Variants in LRRC4C observed in about 807,000 individuals in gnomAD.
LRRC4C encodes leucine-rich repeat-containing protein 4C.
Under a neutral mutation model 33.6 loss-of-function variants are expected in LRRC4C, and 5 were observed. The ratio of observed to expected loss-of-function variants is 0.15; its 90% CI spans 0.08 to 0.31. The LOEUF (loss-of-function observed/expected upper bound fraction) is 0.31. LRRC4C is among the 10% of genes least tolerant of loss of function. The probability of loss-of-function intolerance (pLI) is 1.00; values close to 1 mark genes in which losing one functional copy is unlikely to be tolerated. For missense variants in LRRC4C, 560 were observed against 796.7 expected, an observed-to-expected ratio of 0.70 and a Z score of 3.58; for synonymous variants, 329 against 302.0, an observed-to-expected ratio of 1.09 and a Z score of -0.93.
At chr11:41,254,583 G>A (rs1948741476) in intron 1 of LRRC4C, among the ~76,000 whole-genome samples, 2 of 151,838 alleles carry the variant, frequency 1.3e-5, no homozygotes, top group African/African-American at 4.8e-5. Context: ...GTTACCCAAG[G>A]GGCCATAATA....
At chr11:40,887,595 A>T (rs1955523578) in intron 2 of LRRC4C, among the ~76,000 whole-genome samples, 1 of 152,030 alleles carries the variant, frequency 6.6e-6, no homozygotes, top group South Asian at 2.1e-4. Context: ...GTTGGTTGTT[A>T]CCCATAGCAT....
intron 1 of LRRC4C, among the ~76,000 whole-genome samples, chr11:41,306,226 C>T (rs1950501807): frequency 6.6e-6 from 1 of 152,132 alleles, no homozygotes; most frequent in Non-Finnish European, 1.5e-5. Context: ...GTTTCTCTCT[C>T]TTTTATAACA....
intron 1 of LRRC4C, among the ~76,000 whole-genome samples, chr11:41,241,269 C>T (rs986593312): frequency 1.3e-5 from 2 of 152,118 alleles, no homozygotes; most frequent in African/African-American, 4.8e-5. Context: ...TGGGACCTAT[C>T]ATATCCTGGT....
intron 2 of LRRC4C, among the ~76,000 whole-genome samples, chr11:40,813,794 G>T (rs980609208): frequency 1.3e-5 from 2 of 151,994 alleles, no homozygotes; most frequent in South Asian, 4.1e-4. Flanking sequence ...AAACGAAGGG[G>T]CTACTGGCCC....
At chr11:40,895,922 A>G (rs1955919331) in intron 2 of LRRC4C, among the ~76,000 whole-genome samples, 1 of 152,126 alleles carries the variant, frequency 6.6e-6, no homozygotes, top group South Asian at 2.1e-4. Context: ...TTGAACCCGC[A>G]AACTGTTCTC....
intron 5 of LRRC4C, among the ~76,000 whole-genome samples, chr11:40,217,894 A>T (rs1864090768): frequency 6.6e-6 from 1 of 152,298 alleles, no homozygotes; most frequent in South Asian, 2.1e-4. Context: ...AAAAAACTAC[A>T]GCCTTGCTTA....
intron 1 of LRRC4C, among the ~76,000 whole-genome samples, chr11:41,380,000 T>C (rs2939753): frequency 5.9e-5 from 9 of 151,720 alleles, no homozygotes; most frequent in African/African-American, 2.2e-4. Flanking sequence ...ACACACACTA[T>C]TGTCCTCAGT....
Position 41,218,755 on chromosome 11 carries a change from C to T in LRRC4C, c.-496+240676G>A, listed in dbSNP as rs1420148359. 6.0e-5 allele frequency among the ~76,000 whole-genome samples: 9 copies of T among 148,980 alleles called. No individual in the cohort carries two copies. The South Asian group carries it at 1.5e-3, about 24-fold the overall frequency. ...TCATCTTAACTTTCATATGCATATG[C>T]ATATGTCATTTTTTTTTTTTTTTTT... is the stretch of plus-strand genomic sequence containing the variant. On this transcript the variant is annotated intron_variant, in intron 1 of 6. Coordinates refer to ENST00000528697, the MANE Select transcript of LRRC4C (RefSeq NM_001258419.2).
At chr11:41,453,800 G>T (rs950617261) in intron 1 of LRRC4C, among the ~76,000 whole-genome samples, 1 of 152,040 alleles carries the variant, frequency 6.6e-6, no homozygotes, top group African/African-American at 2.4e-5. Context: ...CTTGGTGTGT[G>T]TTGGTAATAT....
intron 1 of LRRC4C, among the ~76,000 whole-genome samples, chr11:41,112,542 C>T (rs1449357421): frequency 6.6e-6 from 1 of 152,006 alleles, no homozygotes; most frequent in African/African-American, 2.4e-5. Context: ...TGAATCAAGG[C>T]AATGGGCATA....
At chr11:40,698,839 A>C (rs1945713187) in intron 2 of LRRC4C, among the ~76,000 whole-genome samples, 1 of 152,140 alleles carries the variant, frequency 6.6e-6, no homozygotes, top group African/African-American at 2.4e-5. Context: ...ACCCTTTATA[A>C]AACCGTCAGG....
intron 1 of LRRC4C, among the ~76,000 whole-genome samples, chr11:41,273,522 T>C (rs968286862): frequency 6.6e-6 from 1 of 152,164 alleles, no homozygotes; most frequent in African/African-American, 2.4e-5. Context: ...CAATTCCACT[T>C]ACGTGACAGA....
intron 1 of LRRC4C, among the ~76,000 whole-genome samples, chr11:41,319,714 C>A (rs1342847002): frequency 3.9e-5 from 6 of 151,954 alleles, no homozygotes; most frequent in South Asian, 2.1e-4. Flanking sequence ...TCACGCCCAG[C>A]TAATTTTTGT....
intron 3 of LRRC4C, among the ~76,000 whole-genome samples, chr11:40,588,770 C>T (rs1019234764): frequency 6.6e-6 from 1 of 152,142 alleles, no homozygotes; most frequent in African/African-American, 2.4e-5. Flanking sequence ...GTTCAGTTTC[C>T]ATGTAGTTGA....
At chr11:40,794,466 A>C (rs1490238413) in intron 2 of LRRC4C, among the ~76,000 whole-genome samples, 1 of 151,654 alleles carries the variant, frequency 6.6e-6, no homozygotes, top group Non-Finnish European at 1.5e-5. Flanking sequence ...AAGGAGATAT[A>C]CTAGCCATCA....
intron 6 of LRRC4C, among the ~76,000 whole-genome samples, chr11:40,120,495 T>G (rs1047946345): frequency 2.0e-5 from 3 of 152,144 alleles, no homozygotes; most frequent in Non-Finnish European, 4.4e-5. Context: ...CCTCTCTCCC[T>G]GAAACAGACA....
intron 2 of LRRC4C, among the ~76,000 whole-genome samples, chr11:40,891,674 C>T (rs980492869): frequency 1.3e-5 from 2 of 152,110 alleles, no homozygotes; most frequent in South Asian, 4.2e-4. Context: ...ATTGATCATC[C>T]GAGAAATGCA....
intron 2 of LRRC4C, among the ~76,000 whole-genome samples, chr11:40,703,796 C>G (rs974499446): frequency 6.6e-6 from 1 of 152,124 alleles, no homozygotes; most frequent in African/African-American, 2.4e-5. Flanking sequence ...AGTTAATAAT[C>G]GGCATATAAG....
rs547780518 is a variant in LRRC4C, at chr11:40,623,736, T to C, written c.-270+24406A>G. 1.1e-3 allele frequency among the ~76,000 whole-genome samples: 172 copies of C among 152,192 alleles called. 1 individual carries two copies. Among genetic ancestry groups the C allele is most frequent in the South Asian group, 2.5e-3 (12 of 4,830 alleles). On this transcript the variant is annotated intron_variant, in intron 3 of 6. Coordinates refer to ENST00000528697, the MANE Select transcript of LRRC4C (RefSeq NM_001258419.2). Reference sequence around the variant, plus strand: ...GCATGAATAACATACAAATGTTGTCTCTTGAGAGTACCTCACTTCTTCCCT... The same window carrying C: ...GCATGAATAACATACAAATGTTGTCCCTTGAGAGTACCTCACTTCTTCCCT...
Sources: allele counts gnomAD v4.1 joint callset (sites outside exome capture counted in the v4.1 genomes callset), GRCh38; gene constraint gnomAD v4.1.1; transcripts MANE v1.5; gene names NCBI Gene and HGNC (gene_info 2026-07-23, HGNC 2026-07-21).